The following PAGE3 variants were observed in gnomAD, a reference collection of about 807,000 sequenced individuals.
PAGE3 encodes the protein PAGE family member 3.
A neutral mutation model predicts 3.8 loss-of-function variants in PAGE3; 9 were observed. The observed-to-expected ratio is 2.36, with a 90% confidence interval of 1.42 to 4.12. The LOEUF (loss-of-function observed/expected upper bound fraction) is 4.12, where lower values mean the gene tolerates loss of function less well. Ranked by LOEUF, PAGE3 falls within the 30% of genes most tolerant of loss-of-function variation. The pLI is 0.00. For missense variants in PAGE3, 73 were observed against 37.8 expected, an observed-to-expected ratio of 1.93 and a Z score of -2.44; for synonymous variants, 24 against 13.1, an observed-to-expected ratio of 1.83 and a Z score of -1.79.
At chrX:55,261,182 G>T (rs1311977944) in intron 3 of PAGE3, among the ~76,000 whole-genome samples, 2 of 111,493 alleles carry the variant, frequency 1.8e-5, no homozygotes, top group African/African-American at 6.5e-5. Flanking sequence ...TGAAGAACTG[G>T]TCCAGATTAA....
At chrX:55,262,604 G>T (rs1443386164) in intron 3 of PAGE3, among the ~76,000 whole-genome samples, 1 of 108,509 alleles carries the variant, frequency 9.2e-6, no homozygotes, top group Non-Finnish European at 1.9e-5. Context: ...CCAGTGAAGT[G>T]CCCTTTGGTA....
In PAGE3 at chrX:55,260,648, C is replaced by T. The variant is rs1356262684; in HGVS notation, c.205G>A (p.Ala69Thr). 4 of 550,084 alleles carry T rather than the reference C, an allele frequency of 7.3e-6. No individual in the cohort carries two copies. Among genetic ancestry groups the T allele is most frequent in the Non-Finnish European group, 1.3e-5 (4 of 300,975 alleles). The allele number at this position is 550,084 out of a possible 1,213,427, so 45.3% of individuals were successfully genotyped here. A position where few individuals can be genotyped will look rare whatever the true frequency, so the allele number is the denominator to read the frequency against. The change falls in exon 4 of 5, where the codon GCA becomes ACA. Residue 69 changes from alanine to threonine, a missense_variant. By Grantham distance (58) the Ala-to-Thr change is moderately conservative. Coordinates refer to ENST00000374951, the MANE Select transcript of PAGE3 (RefSeq NM_001017931.3). ...GALDFQVLGL[A>T]AYLWELTRSK... is the part of the protein sequence containing the mutation. ...CGAGTCAGTTCCCAGAGATAGGCTGCCAGGCCTAGCACTTAAAAATAAAAA... is the reference window on the plus strand; with the variant it reads ...CGAGTCAGTTCCCAGAGATAGGCTGTCAGGCCTAGCACTTAAAAATAAAAA...
chrX:55,258,614 G>A (rs1375431895), intron 4 of PAGE3, 86 bp from the exon 5 acceptor site: 1 of 520,882 alleles, frequency 1.9e-6, no homozygotes, highest in East Asian at 3.5e-5. Flanking sequence ...CATAGTTTTG[G>A]TTTTATGAAA....
chrX:55,261,316 C>T (rs1938285269), intron 3 of PAGE3, among the ~76,000 whole-genome samples: 1 of 111,203 alleles, frequency 9.0e-6, no homozygotes. Context: ...TAAACAACTG[C>T]ATTTTTCATT....
chrX:55,262,198 A>G (rs1280854593), intron 3 of PAGE3, among the ~76,000 whole-genome samples: 2 of 111,909 alleles, frequency 1.8e-5, no homozygotes, highest in Non-Finnish European at 3.8e-5. Flanking sequence ...CCAAAATGCC[A>G]TACCTGGAAG....
chrX:55,263,160 C>G (rs2148981), intron 3 of PAGE3, 91 bp downstream of exon 3: 2 of 442,715 alleles, frequency 4.5e-6, no homozygotes, highest in African/African-American at 2.5e-5. Flanking sequence ...CTTTCTATTG[C>G]TTTTTTCCTC....
intron 3 of PAGE3, 107 bp downstream of exon 3, chrX:55,263,144 A>G (rs1475009761): frequency 4.7e-6 from 2 of 423,126 alleles, no homozygotes; most frequent in African/African-American, 5.1e-5. Flanking sequence ...GAAATGTTTG[A>G]GATCTCTTTC....
In PAGE3 at chrX:55,258,470, A is replaced by T; in HGVS notation, c.*36T>A. Reference sequence around the variant, plus strand: ...GAATTTTACTGGTGAAGTTTCCAACATAAAGACTGCATGTATGGTTTCAGC... The same window carrying T: ...GAATTTTACTGGTGAAGTTTCCAACTTAAAGACTGCATGTATGGTTTCAGC... On this transcript the variant is annotated 3_prime_UTR_variant, in exon 5 of 5. Coordinates refer to ENST00000374951, the MANE Select transcript of PAGE3 (RefSeq NM_001017931.3). The T allele has an allele frequency of 1.8e-6, 1 of 556,715 alleles. No homozygotes were observed. The highest frequency in any genetic ancestry group is 2.4e-5 in the South Asian group (1 of 41,614). The allele number at this position is 556,715 out of a possible 1,213,427, so 45.9% of individuals were successfully genotyped here.
chrX:55,261,752 A>G (rs2146568178), intron 3 of PAGE3, among the ~76,000 whole-genome samples: 1 of 111,377 alleles, frequency 9.0e-6, no homozygotes, highest in Admixed American at 9.6e-5. Context: ...ATATTTTACC[A>G]TAGTGCTGTA....
At chrX:55,264,071 T>C (rs1938346850) in intron 1 of PAGE3, 160 bp from the exon 2 acceptor site, 1 of 380,349 alleles carries the variant, frequency 2.6e-6, no homozygotes, top group African/African-American at 2.6e-5. Flanking sequence ...TAGCCAAATA[T>C]GGCTGCTTGC....
chrX:55,258,697 A>C (rs965528926), intron 4 of PAGE3, among the ~76,000 whole-genome samples, 169 bp from the exon 5 acceptor site: 13 of 111,484 alleles, frequency 1.2e-4, no homozygotes, highest in Admixed American at 3.8e-4. Context: ...GTAGGCTTTC[A>C]GGTATATTAA....
At chrX:55,263,162 T>C in intron 3 of PAGE3, 89 bp downstream of exon 3, 1 of 439,186 alleles carries the variant, frequency 2.3e-6, no homozygotes, top group South Asian at 3.8e-5. Context: ...TTCTATTGCT[T>C]TTTTCCTCCT....
At chrX:55,260,511 T>C in intron 4 of PAGE3, 23 bp downstream of exon 4, 2 of 558,343 alleles carry the variant, frequency 3.6e-6, no homozygotes, top group Non-Finnish European at 6.6e-6. Context: ...CCCCATAATT[T>C]GCATTTTTAA....
Position 55,263,324 on chromosome X carries a change from T to C in PAGE3, c.120A>G (p.Gln40=), listed in dbSNP as rs773707495. ...CCTGACTTTCAATTGGTGGTTCCTCTTGTTGAAGCTGGTCATTACTGGGCA... is the reference window on the plus strand; with the variant it reads ...CCTGACTTTCAATTGGTGGTTCCTCCTGTTGAAGCTGGTCATTACTGGGCA... ...QELPSNDQLQ[Q]EEPPIESQDY... is the part of the protein sequence containing the mutation. The change falls in exon 3 of 5, where the codon CAA becomes CAG. Residue 40 remains glutamine, a synonymous_variant. Coordinates refer to ENST00000374951, the MANE Select transcript of PAGE3 (RefSeq NM_001017931.3). 6 of 568,072 alleles carry C rather than the reference T, an allele frequency of 1.1e-5. No individual in the cohort carries two copies. Among genetic ancestry groups the C allele is most frequent in the Non-Finnish European group, 1.9e-5 (6 of 308,960 alleles). The allele number at this position is 568,072 out of a possible 1,213,427, so 46.8% of individuals were successfully genotyped here.
intron 3 of PAGE3, among the ~76,000 whole-genome samples, chrX:55,261,162 G>A (rs1387486023): frequency 9.0e-6 from 1 of 111,606 alleles, no homozygotes; most frequent in Non-Finnish European, 1.9e-5. Flanking sequence ...CATGAAAGAC[G>A]AAGAAAGAGT....
At chrX:55,259,835 C>T (rs1351833946) in intron 4 of PAGE3, among the ~76,000 whole-genome samples, 3 of 110,241 alleles carry the variant, frequency 2.7e-5, no homozygotes, top group Non-Finnish European at 5.7e-5. Context: ...CAATGATCTT[C>T]CTATGAGTAT....
rs768535113 is a variant in PAGE3, at chrX:55,262,691, G to A, written c.193+560C>T. Among the ~76,000 whole-genome samples, 5 of 65,926 alleles carry A rather than the reference G, an allele frequency of 7.6e-5. No homozygotes were observed. The South Asian group carries it at 4.1e-3, about 54-fold the overall frequency. The allele number at this position is 65,926 out of a possible 115,157, so 57.2% of individuals were successfully genotyped here. On this transcript the variant is annotated intron_variant, in intron 3 of 4. Coordinates refer to ENST00000374951, the MANE Select transcript of PAGE3 (RefSeq NM_001017931.3). ...TTCTATGCAAGCTCATTTAATCCAA[G>A]GTGTTACATATGATATATATATATA...
chrX:55,263,210 C>T (rs745641420), intron 3 of PAGE3, 41 bp downstream of exon 3: 5 of 548,059 alleles, frequency 9.1e-6, no homozygotes, highest in Non-Finnish European at 1.7e-5. Flanking sequence ...TATACATACA[C>T]CCCCTCCATT....
At chrX:55,264,352 G>C (rs970234120) in intron 1 of PAGE3, among the ~76,000 whole-genome samples, 194 bp downstream of exon 1, 1 of 110,651 alleles carries the variant, frequency 9.0e-6, no homozygotes, top group Non-Finnish European at 1.9e-5. Flanking sequence ...TTGCAAAGCC[G>C]AGTGAAGGGC....
Sources: gnomAD v4.1 joint callset for allele counts (sites outside exome capture counted in the v4.1 genomes callset) on GRCh38, gnomAD v4.1.1 for gene constraint, MANE v1.5 for transcripts, NCBI Gene and HGNC (gene_info 2026-07-23, HGNC 2026-07-21) for gene names.